The following AFAP1L2 variants were observed in gnomAD, a reference collection of about 807,000 sequenced individuals.
AFAP1L2 encodes actin filament-associated protein 1-like 2.
A neutral mutation model predicts 99.3 loss-of-function variants in AFAP1L2; 46 were observed. The ratio of observed to expected loss-of-function variants is 0.46; its 90% CI spans 0.37 to 0.59. The LOEUF is 0.59. AFAP1L2 is among the 20% of genes least tolerant of loss of function. The pLI, the probability that AFAP1L2 is intolerant of heterozygous loss-of-function variation, is 0.00. For synonymous variants in AFAP1L2, 397 were observed against 419.1 expected, an observed-to-expected ratio of 0.95 and a Z score of 0.64; for missense variants, 959 against 1,034.9, an observed-to-expected ratio of 0.93 and a Z score of 1.01.
chr10:114,315,796 C>A, intron 5 of AFAP1L2, 31 bp from the exon 6 acceptor site: 1 of 1,586,440 alleles, frequency 6.3e-7, no homozygotes, highest in East Asian at 2.3e-5. Context: ...GTCAGGGCCC[C>A]ATGGGGCAGG....
chr10:114,284,914 G>C, the AFAP1L2 span: 5 of 1,605,558 alleles, frequency 3.1e-6, no homozygotes, highest in South Asian at 5.6e-5. Flanking sequence ...GTTCCAGAAG[G>C]ACTGGACGGC....
chr10:114,340,544 G>T (rs2048668277), intron 2 of AFAP1L2, 59 bp downstream of exon 2: 1 of 1,564,212 alleles, frequency 6.4e-7, no homozygotes, highest in South Asian at 1.2e-5. Context: ...AGCCCGCACT[G>T]ACTCACAACC....
intron 2 of AFAP1L2, among the ~76,000 whole-genome samples, chr10:114,339,155 T>C (rs1564915830): frequency 6.6e-6 from 1 of 152,146 alleles, no homozygotes; most frequent in Non-Finnish European, 1.5e-5. Context: ...CATGGAAGAG[T>C]GCTTTGAAAA....
At chr10:114,290,351 C>T (rs967252829), downstream of AFAP1L2, 1 of 1,550,530 alleles carries the variant, frequency 6.4e-7, no homozygotes, top group Non-Finnish European at 8.7e-7. Flanking sequence ...TGGGAGGGCC[C>T]CCACTGCGAG....
rs764868935 is a variant in AFAP1L2 at position 114,307,911 on chromosome 10, T to G, written c.968-2A>C. On this transcript the variant is annotated splice_acceptor_variant, in intron 9 of 18. Transcript: ENST00000304129. LOFTEE classifies it high-confidence loss of function. ...GGCCAGCAGAACATTTCTTCTTGAC[T>G]GTCAAGATGAGACAGAAAGCAATTC... 7.4e-6 allele frequency: 12 copies of G among 1,612,840 alleles called. No homozygotes were observed.
intron 1 of AFAP1L2, among the ~76,000 whole-genome samples, chr10:114,360,517 A>ATAGATAGATAGATAGATAGATAGT (rs1554937733): frequency 2.4e-4 from 30 of 125,792 alleles, no homozygotes; most frequent in East Asian, 1.6e-3. Flanking sequence ...AGTTAGATAG[A>ATAGATAGATAGATAGATAGATAGT]TAGATAGATA....
At position 114,397,449 on chromosome 10, in the gene AFAP1L2, G is replaced by A. The variant is rs149753691; in HGVS notation, c.16+6991C>T. ...ACGATCTGCCAGTTTTTAAGCCTTGGACTTTCACTTTCTTGTCAAAGAGAC... is the reference window on the plus strand; with the variant it reads ...ACGATCTGCCAGTTTTTAAGCCTTGAACTTTCACTTTCTTGTCAAAGAGAC... On this transcript the variant is annotated intron_variant, in intron 1 of 18. Transcript: ENST00000304129. Among the ~76,000 whole-genome samples the A allele has an allele frequency of 2.3e-4, 35 of 152,292 alleles. No individual in the cohort carries two copies. The East Asian group carries it at 6.7e-3, about 29-fold the overall frequency.
At chr10:114,286,051 GCGGGC>G in the AFAP1L2 span, 3 of 1,614,096 alleles carry the variant, frequency 1.9e-6, no homozygotes, top group Non-Finnish European at 2.5e-6. Flanking sequence ...AGCGGTTTGT[GCGGGC>G]CGTGCTGAGC....
intron 1 of AFAP1L2, among the ~76,000 whole-genome samples, chr10:114,342,600 G>A (rs2135968607): frequency 6.6e-6 from 1 of 152,290 alleles, no homozygotes; most frequent in East Asian, 1.9e-4. Flanking sequence ...TAAGAGTCAG[G>A]GAGATAAGAT....
intron 5 of AFAP1L2, among the ~76,000 whole-genome samples, chr10:114,317,431 A>G (rs2044310704): frequency 6.6e-6 from 1 of 152,224 alleles, no homozygotes; most frequent in South Asian, 2.1e-4. Context: ...CTTACGTTAT[A>G]GGTGACAACG....
At chr10:114,400,859 T>C (rs2058165248) in intron 1 of AFAP1L2, among the ~76,000 whole-genome samples, 1 of 152,164 alleles carries the variant, frequency 6.6e-6, no homozygotes, top group Admixed American at 6.5e-5. Context: ...CCACAGATGA[T>C]TCCATGCACA....
the AFAP1L2 span, chr10:114,286,249 C>A: frequency 6.2e-7 from 1 of 1,612,700 alleles, no homozygotes; most frequent in Non-Finnish European, 8.5e-7. Context: ...GCTTCGGGAG[C>A]GCCACCAGGA....
Position 114,296,446 on chromosome 10 carries a change from CAAATGAGT to C in AFAP1L2, c.2431-386_2431-379del, listed in dbSNP as rs375803915. 3.8e-3 allele frequency: 949 copies of C among 251,130 alleles called. 1 individual carries two copies. Among genetic ancestry groups the C allele is most frequent in the Non-Finnish European group, 5.6e-3 (729 of 130,128 alleles). 15.6% of individuals were successfully genotyped at this position (251,130 alleles called of 1,614,324 possible). ...AGCCCTAGGCATGTTCTTTAGTGTA[CAAATGAGT>C]AAATGAGTAAATGATTAATGATACT... On this transcript the variant is annotated intron_variant, in intron 18 of 18. Coordinates refer to ENST00000304129, the MANE Select transcript of AFAP1L2 (RefSeq NM_001001936.3).
chr10:114,405,169 A>C (rs1300819416), upstream of AFAP1L2, among the ~76,000 whole-genome samples: 1 of 152,170 alleles, frequency 6.6e-6, no homozygotes, highest in Non-Finnish European at 1.5e-5. Flanking sequence ...GGCCAACGCC[A>C]CAAGTCAGGG....
chr10:114,330,052 C>T (rs899424394), intron 4 of AFAP1L2, among the ~76,000 whole-genome samples: 4 of 152,100 alleles, frequency 2.6e-5, no homozygotes, highest in Admixed American at 1.3e-4. Flanking sequence ...GGTTCAGTCC[C>T]GACATCAAGC....
At chr10:114,387,156 T>C (rs764745252) in intron 1 of AFAP1L2, among the ~76,000 whole-genome samples, 23 of 152,172 alleles carry the variant, frequency 1.5e-4, no homozygotes, top group Non-Finnish European at 2.9e-4. Flanking sequence ...ACTGCAGGCT[T>C]CCCTCAGCCT....
chr10:114,380,846 A>G (rs899007087), intron 1 of AFAP1L2, among the ~76,000 whole-genome samples: 6 of 152,266 alleles, frequency 3.9e-5, no homozygotes, highest in Non-Finnish European at 8.8e-5. Context: ...AGTTTTAAAC[A>G]TGACATATAA....
chr10:114,331,190 G>A (rs1362964577), intron 4 of AFAP1L2, among the ~76,000 whole-genome samples: 1 of 152,122 alleles, frequency 6.6e-6, no homozygotes, highest in Admixed American at 6.5e-5. Flanking sequence ...TACTGGTAAG[G>A]TTCAAGCAGG....
At chr10:114,285,270 T>C in the AFAP1L2 span, among the ~76,000 whole-genome samples, 1 of 152,222 alleles carries the variant, frequency 6.6e-6, no homozygotes, top group Admixed American at 6.5e-5. Flanking sequence ...CACCCAACTC[T>C]GGCTCCCAGT....
Sources: gnomAD v4.1 joint callset for allele counts (sites outside exome capture counted in the v4.1 genomes callset) on GRCh38, gnomAD v4.1.1 for gene constraint, MANE v1.5 for transcripts, NCBI Gene and HGNC (gene_info 2026-07-23, HGNC 2026-07-21) for gene names.